The following SUPT3H variants were observed in gnomAD, a reference collection of about 807,000 sequenced individuals.
The protein encoded by SUPT3H is SPT3 homolog, SAGA and STAGA complex component.
In SUPT3H, 44 loss-of-function variants were observed where a neutral mutation model predicts 44.3. That is an observed-to-expected ratio of 0.99 (90% CI 0.78 to 1.28). The LOEUF is 1.28. Ranked by LOEUF, SUPT3H falls within the 50% of genes most tolerant of loss-of-function variation. SUPT3H has a pLI of 0.00. For synonymous variants in SUPT3H, 124 were observed against 125.6 expected (o/e 0.99, Z 0.09); for missense variants, 380 against 387.1 (o/e 0.98, Z 0.15).
At chr6:45,120,046 A>C (rs1801391271) in intron 2 of SUPT3H, among the ~76,000 whole-genome samples, 1 of 152,148 alleles carries the variant, frequency 6.6e-6, no homozygotes, top group Admixed American at 6.6e-5. Context: ...CTAAAAGGTA[A>C]GTACTATTAC....
chr6:45,370,716 C>T (rs1050489210), intron 1 of SUPT3H, among the ~76,000 whole-genome samples: 4 of 152,048 alleles, frequency 2.6e-5, no homozygotes, highest in African/African-American at 7.2e-5. Flanking sequence ...TACCCCCATC[C>T]TTTCTCTCTG....
chr6:45,047,083 T>C (rs1256359206), intron 3 of SUPT3H, among the ~76,000 whole-genome samples: 1 of 152,238 alleles, frequency 6.6e-6, no homozygotes, highest in African/African-American at 2.4e-5. Flanking sequence ...CATTTATTAA[T>C]TCTAGAAAAA....
intron 6 of SUPT3H, among the ~76,000 whole-genome samples, chr6:44,970,574 CT>C (rs372017488): frequency 0.026 from 3,701 of 141,728 alleles, 72 homozygotes; most frequent in South Asian, 0.11. Flanking sequence ...TGTTACAACC[CT>C]TTTTTTTTTT....
intron 2 of SUPT3H, among the ~76,000 whole-genome samples, chr6:45,273,359 C>T (rs1651601871): frequency 6.6e-6 from 1 of 152,146 alleles, no homozygotes; most frequent in South Asian, 2.1e-4. Context: ...CACTGTCGTC[C>T]TCATATACTT....
intron 2 of SUPT3H, among the ~76,000 whole-genome samples, chr6:45,263,056 A>T (rs1774649085): frequency 6.6e-6 from 1 of 152,204 alleles, no homozygotes; most frequent in Non-Finnish European, 1.5e-5. Context: ...AAGTTCAGCC[A>T]CTGTGGAAAG....
rs184468529 is a variant in SUPT3H at position 44,919,506 on chromosome 6, C to T, written c.912+13147G>A. ...TTAGATGACTTCTGCTTTGAGCTACCCCCACCCTTAACCAGGATATCCCCC... is the reference window on the plus strand; with the variant it reads ...TTAGATGACTTCTGCTTTGAGCTACTCCCACCCTTAACCAGGATATCCCCC... On this transcript the variant is annotated intron_variant, in intron 10 of 10. Coordinates refer to ENST00000371459, the MANE Select transcript of SUPT3H (RefSeq NM_003599.4). Among the ~76,000 whole-genome samples the T allele has an allele frequency of 5.4e-4, 81 of 150,978 alleles. 1 individual carries two copies. Among genetic ancestry groups the T allele is most frequent in the South Asian group, 1.7e-3 (8 of 4,780 alleles).
intron 2 of SUPT3H, among the ~76,000 whole-genome samples, chr6:45,270,173 C>T (rs904440819): frequency 1.3e-5 from 2 of 152,106 alleles, no homozygotes; most frequent in African/African-American, 4.8e-5. Flanking sequence ...AACATAAGCT[C>T]CATCAAGGTC....
chr6:44,927,977 A>T (rs1769800232), intron 10 of SUPT3H, among the ~76,000 whole-genome samples: 1 of 152,166 alleles, frequency 6.6e-6, no homozygotes, highest in Admixed American at 6.5e-5. Context: ...TACTACTTCC[A>T]CTATTACTAA....
intron 3 of SUPT3H, among the ~76,000 whole-genome samples, chr6:45,024,680 G>T (rs1181655184): frequency 1.3e-5 from 2 of 152,122 alleles, no homozygotes; most frequent in Non-Finnish European, 2.9e-5. Context: ...GGACCGCGGG[G>T]TACATAGACA....
intron 10 of SUPT3H, among the ~76,000 whole-genome samples, chr6:44,917,887 G>A (rs75165674): frequency 0.012 from 1,801 of 152,176 alleles, 22 homozygotes; most frequent in Middle Eastern, 0.041. Flanking sequence ...GCTTAAGTGA[G>A]ATATTTGAGT....
intron 2 of SUPT3H, among the ~76,000 whole-genome samples, chr6:45,166,230 C>A (rs570565804): frequency 6.6e-6 from 1 of 152,192 alleles, no homozygotes; most frequent in South Asian, 2.1e-4. Flanking sequence ...GAGCTTATGG[C>A]TGCAGTGAGC....
chr6:45,226,343 G>C (rs572630312), intron 2 of SUPT3H, among the ~76,000 whole-genome samples: 3 of 152,156 alleles, frequency 2.0e-5, no homozygotes, highest in Non-Finnish European at 2.9e-5. Flanking sequence ...GTTTGAGTGT[G>C]TGTGTGTGTA....
intron 2 of SUPT3H, among the ~76,000 whole-genome samples, chr6:45,362,023 C>T (rs1794346399): frequency 1.3e-5 from 2 of 152,076 alleles, no homozygotes; most frequent in Admixed American, 1.3e-4. Flanking sequence ...TGCACTCCAG[C>T]GCCTGGGCAA....
intron 3 of SUPT3H, among the ~76,000 whole-genome samples, chr6:45,060,271 T>C (rs1007337843): frequency 6.6e-6 from 1 of 151,804 alleles, no homozygotes; most frequent in African/African-American, 2.4e-5. Context: ...TGGAACAGAA[T>C]AGAGATCTCA....
chr6:44,823,662 C>T (rs1049919034), downstream of SUPT3H, among the ~76,000 whole-genome samples: 1 of 152,102 alleles, frequency 6.6e-6, no homozygotes, highest in African/African-American at 2.4e-5. Flanking sequence ...TGAATGCAAG[C>T]TATAAAACTG....
intron 3 of SUPT3H, among the ~76,000 whole-genome samples, chr6:45,062,576 GACAGTGGGCGCAGGCCAGTGGGTGCGCGC>G (rs1554226351): frequency 6.6e-6 from 1 of 152,216 alleles, no homozygotes; most frequent in Non-Finnish European, 1.5e-5. Flanking sequence ...GGGAGTGCCA[GACAGTGGGCGCAGGCCAGTGGGTGCGCGC>G]ACCATGCGCA....
Position 45,296,738 on chromosome 6 carries a change from C to CAAAAAAAAAAAAA in SUPT3H, c.101+68450_101+68462dup, listed in dbSNP as rs60921436. ...TGGCCAACAGAGTAAGACTCTGTCT[C>CAAAAAAAAAAAAA]AAAAAAAAAAAAAAAAAAAAAAAAA... On this transcript the variant is annotated intron_variant, in intron 2 of 10. Coordinates refer to ENST00000371459, the MANE Select transcript of SUPT3H (RefSeq NM_003599.4). 9.0e-3 allele frequency among the ~76,000 whole-genome samples: 267 copies of CAAAAAAAAAAAAA among 29,680 alleles called. 23 individuals carry two copies. The highest frequency in any genetic ancestry group is 0.033 in the Middle Eastern group (1 of 30). The allele number at this position is 29,680 out of a possible 152,430, so 19.5% of individuals were successfully genotyped here. A position where few individuals can be genotyped will look rare whatever the true frequency, so the allele number is the denominator to read the frequency against.
intron 2 of SUPT3H, among the ~76,000 whole-genome samples, chr6:45,320,480 T>C (rs547121689): frequency 6.6e-6 from 1 of 151,838 alleles, no homozygotes; most frequent in East Asian, 1.9e-4. Context: ...GGTCTCACCA[T>C]GTTGCCCAGG....
At chr6:44,992,924 G>T (rs555495746) in intron 6 of SUPT3H, among the ~76,000 whole-genome samples, 1 of 152,126 alleles carries the variant, frequency 6.6e-6, no homozygotes, top group African/African-American at 2.4e-5. Context: ...AGCATTTTGG[G>T]AGGCTAAGAT....
Sources: allele counts gnomAD v4.1 joint callset (sites outside exome capture counted in the v4.1 genomes callset), GRCh38; gene constraint gnomAD v4.1.1; transcripts MANE v1.5; gene names NCBI Gene and HGNC (gene_info 2026-07-23, HGNC 2026-07-21).